The following DTNBP1 variants were observed in gnomAD, a reference collection of about 807,000 sequenced individuals.
DTNBP1 encodes the protein dystrobrevin binding protein 1, also known as dysbindin.
DTNBP1 carries 35 observed loss-of-function variants against 42.8 expected under a neutral mutation model. The ratio of observed to expected loss-of-function variants is 0.82; its 90% CI spans 0.63 to 1.09. DTNBP1 has a LOEUF of 1.09. DTNBP1 is among the 50% of genes least tolerant of loss of function. The probability of loss-of-function intolerance (pLI) is 0.00; values close to 1 mark genes in which losing one functional copy is unlikely to be tolerated. For synonymous variants in DTNBP1, 171 were observed against 162.2 expected (o/e 1.05, Z -0.41); for missense variants, 457 against 424.2 (o/e 1.08, Z -0.68).
intron 6 of DTNBP1, among the ~76,000 whole-genome samples, chr6:15,604,683 AAT>A (rs146282072): frequency 0.058 from 8,836 of 152,210 alleles, 394 homozygotes; most frequent in African/African-American, 0.12. Context: ...TAATCTCTTA[AAT>A]ATATCTGTTA....
At chr6:15,567,545 A>G (rs1378370131) in intron 7 of DTNBP1, among the ~76,000 whole-genome samples, 2 of 152,202 alleles carry the variant, frequency 1.3e-5, no homozygotes, top group African/African-American at 4.8e-5. Context: ...CCTTTAGATG[A>G]TAACTCCTTC....
chr6:15,662,751 G>A (rs1312322718), intron 1 of DTNBP1, 63 bp downstream of exon 1: 4 of 1,601,400 alleles, frequency 2.5e-6, no homozygotes, highest in Non-Finnish European at 3.4e-6. Context: ...GAGCGAGGCA[G>A]GGGCATCCCA....
chr6:15,556,514 T>A (rs1315868669), intron 7 of DTNBP1, among the ~76,000 whole-genome samples: 1 of 152,214 alleles, frequency 6.6e-6, no homozygotes, highest in Non-Finnish European at 1.5e-5. Context: ...TTGTGCTCTT[T>A]GCTGTTGGCT....
At chr6:15,603,335 A>C (rs1198518357) in intron 6 of DTNBP1, among the ~76,000 whole-genome samples, 1 of 152,220 alleles carries the variant, frequency 6.6e-6, no homozygotes, top group Non-Finnish European at 1.5e-5. Flanking sequence ...GGAACCATCT[A>C]AAATCTAGCA....
intron 6 of DTNBP1, among the ~76,000 whole-genome samples, chr6:15,608,321 A>G (rs1758192245): frequency 6.6e-6 from 1 of 152,168 alleles, no homozygotes; most frequent in South Asian, 2.1e-4. Context: ...ACCCTCCACC[A>G]GAGTTTAATA....
intron 1 of DTNBP1, among the ~76,000 whole-genome samples, chr6:15,655,640 T>TAAAA (rs5874522): frequency 2.1e-5 from 3 of 141,048 alleles, no homozygotes; most frequent in African/African-American, 7.8e-5. Context: ...AAAACGAAGT[T>TAAAA]AAAAAAAAAA....
intron 7 of DTNBP1, among the ~76,000 whole-genome samples, chr6:15,546,493 T>C (rs773108958): frequency 6.6e-6 from 1 of 152,162 alleles, no homozygotes; most frequent in Non-Finnish European, 1.5e-5. Context: ...TTAAGGAATC[T>C]AAGACCTTTT....
At position 15,523,093 on chromosome 6, in the gene DTNBP1, C is replaced by G; in HGVS notation, c.938G>C (p.Gly313Ala). 1 of 1,614,220 alleles carries G rather than the reference C, an allele frequency of 6.2e-7. No individual in the cohort carries two copies. Among genetic ancestry groups the G allele is most frequent in the Non-Finnish European group, 8.5e-7 (1 of 1,180,024 alleles). ...TDSATRDISE[G>A]GESPVVQSDE... ...GGACTGAACAACGGGGGACTCCCCA[C>G]CCTCACTGATGTCCCGGGTGGCCGA... The change falls in exon 10 of 10, where the codon GGT (glycine) becomes GCT (alanine). Residue 313 changes from glycine (G) to alanine (A), a missense_variant. Coordinates refer to ENST00000344537, the MANE Select transcript of DTNBP1 (RefSeq NM_032122.5).
chr6:15,653,362 T>C (rs1014337763), intron 1 of DTNBP1, among the ~76,000 whole-genome samples: 1 of 152,196 alleles, frequency 6.6e-6, no homozygotes, highest in African/African-American at 2.4e-5. Context: ...TTGTGTTTGT[T>C]TGGGCTCTTA....
intron 7 of DTNBP1, among the ~76,000 whole-genome samples, chr6:15,579,105 T>C (rs1263036508): frequency 2.0e-5 from 3 of 152,244 alleles, no homozygotes; most frequent in South Asian, 2.1e-4. Context: ...CTCATGTTTC[T>C]TGCAGCACTA....
At chr6:15,595,414 A>C (rs534067431) in intron 6 of DTNBP1, among the ~76,000 whole-genome samples, 1 of 151,500 alleles carries the variant, frequency 6.6e-6, no homozygotes, top group Non-Finnish European at 1.5e-5. Flanking sequence ...ACAGCCACCC[A>C]CCACCACATG....
At chr6:15,655,976 C>T (rs983601643) in intron 1 of DTNBP1, among the ~76,000 whole-genome samples, 5 of 152,126 alleles carry the variant, frequency 3.3e-5, no homozygotes, top group African/African-American at 1.2e-4. Flanking sequence ...AAATACTGAC[C>T]TAGGGGGAAT....
At chr6:15,523,627 G>T (rs1395458866) in intron 9 of DTNBP1, 1 of 1,286,092 alleles carries the variant, frequency 7.8e-7, no homozygotes. Flanking sequence ...CGGAATTACT[G>T]ACCTTCAGCA....
intron 6 of DTNBP1, among the ~76,000 whole-genome samples, chr6:15,608,031 A>G (rs1758177087): frequency 6.6e-6 from 1 of 152,178 alleles, no homozygotes; most frequent in Non-Finnish European, 1.5e-5. Context: ...TTTAAATATT[A>G]CTTCTTGATT....
chr6:15,633,529 A>G (rs958470967), intron 4 of DTNBP1, among the ~76,000 whole-genome samples: 2 of 152,238 alleles, frequency 1.3e-5, no homozygotes, highest in African/African-American at 4.8e-5. Context: ...AACTCGAATT[A>G]GAAGTGGAGC....
chr6:15,644,803 C>T (rs1760577943), intron 3 of DTNBP1, among the ~76,000 whole-genome samples: 1 of 151,892 alleles, frequency 6.6e-6, no homozygotes, highest in Non-Finnish European at 1.5e-5. Context: ...AGAAAATTTA[C>T]AGTGCTCCAT....
At chr6:15,649,262 C>T (rs1237407710) in intron 3 of DTNBP1, among the ~76,000 whole-genome samples, 2 of 152,112 alleles carry the variant, frequency 1.3e-5, no homozygotes, top group African/African-American at 4.8e-5. Flanking sequence ...GTGGAAGCAA[C>T]TCAAGTGTCC....
chr6:15,586,958 T>C (rs1212994752), intron 7 of DTNBP1, among the ~76,000 whole-genome samples: 5 of 152,210 alleles, frequency 3.3e-5, no homozygotes, highest in Admixed American at 6.5e-5. Flanking sequence ...TGGTGCTTCC[T>C]AGATTTCTAT....
At chr6:15,605,755 C>T (rs1281275346) in intron 6 of DTNBP1, among the ~76,000 whole-genome samples, 1 of 152,118 alleles carries the variant, frequency 6.6e-6, no homozygotes, top group Non-Finnish European at 1.5e-5. Flanking sequence ...CTATTGGTTA[C>T]AAAAGCTTCT....
Sources: allele counts gnomAD v4.1 joint callset (sites outside exome capture counted in the v4.1 genomes callset), GRCh38; gene constraint gnomAD v4.1.1; transcripts MANE v1.5; gene names NCBI Gene and HGNC (gene_info 2026-07-23, HGNC 2026-07-21).